STAU2: variants seen among roughly 807,000 people sequenced by gnomAD.
STAU2 encodes staufen double-stranded RNA binding protein 2, also known as double-stranded RNA-binding protein Staufen homolog 2.
A neutral mutation model predicts 65.9 loss-of-function variants in STAU2; 20 were observed. That is an observed-to-expected ratio of 0.30 (90% CI 0.21 to 0.44). The LOEUF is 0.44. Among genes scored for constraint, STAU2 ranks in the 20% least tolerant of loss-of-function variants. STAU2 has a pLI of 1.00. For missense variants in STAU2, 558 were observed against 683.9 expected, an observed-to-expected ratio of 0.82 and a Z score of 2.05; for synonymous variants, 232 against 233.9, an observed-to-expected ratio of 0.99 and a Z score of 0.07.
rs562118932 is a variant in STAU2, at chr8:73,552,259, T to C, written c.1283A>G (p.His428Arg). The change falls in exon 13 of 15, where the codon CAC (histidine) becomes CGC (arginine). Residue 428 changes from histidine to arginine, a missense_variant. By Grantham distance (29) the His-to-Arg change is conservative. Around this residue, in one of 3 missense-constraint regions of STAU2, gnomAD observed 247 missense variants for 270.1 expected, o/e 0.91. Transcript: ENST00000524300. The part of the protein sequence containing the change: ...DVYQEMEASR[H>R]KVISGTTLGY... Reference sequence around the variant, plus strand: ...TAGAGTAGTGCCAGAGATTACTTTGTGGCGGCTGGCTTCCATCTCTTGATA... The same window carrying C: ...TAGAGTAGTGCCAGAGATTACTTTGCGGCGGCTGGCTTCCATCTCTTGATA... 1.2e-6 allele frequency: 2 copies of C among 1,613,742 alleles called. No homozygotes were observed. Among genetic ancestry groups the C allele is most frequent in the African/African-American group, 1.3e-5 (1 of 74,920 alleles).
intron 13 of STAU2, among the ~76,000 whole-genome samples, chr8:73,534,479 A>C (rs1379799825): frequency 6.6e-6 from 1 of 152,226 alleles, no homozygotes; most frequent in African/African-American, 2.4e-5. Flanking sequence ...ATTTAACTAC[A>C]GTCAACAGTA....
At chr8:73,661,247 A>C (rs540483074) in intron 6 of STAU2, among the ~76,000 whole-genome samples, 1 of 152,206 alleles carries the variant, frequency 6.6e-6, no homozygotes, top group South Asian at 2.1e-4. Flanking sequence ...CAATCAGTGC[A>C]CAAAGGCAGA....
chr8:73,704,226 G>A (rs967997779), intron 4 of STAU2, among the ~76,000 whole-genome samples: 4 of 152,122 alleles, frequency 2.6e-5, no homozygotes, highest in Non-Finnish European at 4.4e-5. Context: ...ACATTTTATA[G>A]GACAAATTAC....
chr8:73,497,362 CT>C (rs1304765597), intron 13 of STAU2, among the ~76,000 whole-genome samples: 1 of 151,620 alleles, frequency 6.6e-6, no homozygotes, highest in Non-Finnish European at 1.5e-5. Context: ...TTAATTTCTG[CT>C]TTGTTTCATG....
intron 11 of STAU2, among the ~76,000 whole-genome samples, chr8:73,585,950 TTC>T: frequency 6.6e-6 from 1 of 152,354 alleles, no homozygotes; most frequent in Middle Eastern, 3.4e-3. Context: ...CGGTATTCAT[TTC>T]TCTTTCCTGC....
At chr8:73,595,412 C>A in intron 10 of STAU2, 115 bp from the exon 11 acceptor site, 1 of 999,364 alleles carries the variant, frequency 1.0e-6, no homozygotes, top group South Asian at 2.4e-5. Flanking sequence ...AAAGTTCAGT[C>A]CAAAGTAAAA....
intron 3 of STAU2, among the ~76,000 whole-genome samples, chr8:73,737,359 C>T (rs541189324): frequency 6.7e-6 from 1 of 148,236 alleles, no homozygotes; most frequent in South Asian, 2.1e-4. Flanking sequence ...TTAGTAGAGA[C>T]GGGGTTTCCC....
At chr8:73,465,466 T>C (rs1324645489) in intron 13 of STAU2, among the ~76,000 whole-genome samples, 1 of 152,226 alleles carries the variant, frequency 6.6e-6, no homozygotes, top group African/African-American at 2.4e-5. Flanking sequence ...GCCTCACGTA[T>C]TACTGTATTT....
chr8:73,690,591 G>C (rs554544027), intron 4 of STAU2, among the ~76,000 whole-genome samples: 5 of 152,138 alleles, frequency 3.3e-5, no homozygotes, highest in Non-Finnish European at 7.4e-5. Flanking sequence ...TAAGAGTGAA[G>C]TGTCATGGTA....
chr8:73,566,202 A>G (rs147539205), intron 12 of STAU2, among the ~76,000 whole-genome samples: 1 of 152,354 alleles, frequency 6.6e-6, no homozygotes, highest in East Asian at 1.9e-4. Flanking sequence ...CAAACCAGAA[A>G]GCTTGGAATA....
intron 1 of STAU2, among the ~76,000 whole-genome samples, chr8:73,741,938 G>C (rs1806913873): frequency 6.6e-6 from 1 of 152,206 alleles, no homozygotes; most frequent in South Asian, 2.1e-4. Flanking sequence ...AATATAAAGA[G>C]CTGTAGAAAT....
At chr8:73,449,485 C>A (rs1394238570) in intron 13 of STAU2, among the ~76,000 whole-genome samples, 1 of 152,196 alleles carries the variant, frequency 6.6e-6, no homozygotes, top group African/African-American at 2.4e-5. Flanking sequence ...CAGCCACATT[C>A]TGAGGTACTG....
intron 3 of STAU2, among the ~76,000 whole-genome samples, chr8:73,713,855 C>T (rs1821062463): frequency 6.6e-6 from 1 of 152,128 alleles, no homozygotes; most frequent in Admixed American, 6.5e-5. Context: ...GCAAATCATT[C>T]CAAAGAATCC....
chr8:73,679,694 T>C (rs1014370087), intron 5 of STAU2, among the ~76,000 whole-genome samples: 1 of 150,126 alleles, frequency 6.7e-6, no homozygotes, highest in Non-Finnish European at 1.5e-5. Context: ...GCCTGGCTAA[T>C]ATGGTGAAAC....
intron 13 of STAU2, among the ~76,000 whole-genome samples, chr8:73,500,342 CA>C (rs1343642255): frequency 1.3e-5 from 2 of 151,904 alleles, no homozygotes; most frequent in Non-Finnish European, 2.9e-5. Flanking sequence ...GTGGATTCAA[CA>C]TACTACTTGG....
intron 6 of STAU2, among the ~76,000 whole-genome samples, chr8:73,671,950 G>A (rs1009586624): frequency 1.2e-4 from 18 of 151,862 alleles, no homozygotes; most frequent in Non-Finnish European, 8.8e-5. Context: ...ACTTGAACCC[G>A]GGAGGCTGTG....
chr8:73,698,627 A>G (rs2130586622), intron 4 of STAU2, among the ~76,000 whole-genome samples: 1 of 152,292 alleles, frequency 6.6e-6, no homozygotes, highest in Admixed American at 6.5e-5. Flanking sequence ...TATATATGCA[A>G]CCAACACTGG....
At chr8:73,567,289 C>T (rs1384514304) in intron 12 of STAU2, among the ~76,000 whole-genome samples, 1 of 152,106 alleles carries the variant, frequency 6.6e-6, no homozygotes, top group African/African-American at 2.4e-5. Flanking sequence ...GGGCAGATCA[C>T]CTCAGGTTGG....
chr8:73,457,494 CTG>C (rs1819131043), intron 13 of STAU2, among the ~76,000 whole-genome samples: 1 of 152,214 alleles, frequency 6.6e-6, no homozygotes, highest in Non-Finnish European at 1.5e-5. Flanking sequence ...ATTGGTGATG[CTG>C]TCACAAGGGA....
Sources: allele counts gnomAD v4.1 joint callset (sites outside exome capture counted in the v4.1 genomes callset), GRCh38; gene constraint gnomAD v4.1.1; regional missense constraint gnomAD v4.1.1; transcripts MANE v1.5; gene names NCBI Gene and HGNC (gene_info 2026-07-23, HGNC 2026-07-21).